PTPRD: variants seen among roughly 807,000 people sequenced by gnomAD.
PTPRD encodes receptor-type tyrosine-protein phosphatase delta.
Under a neutral mutation model 214.5 loss-of-function variants are expected in PTPRD, and 34 were observed. The ratio of observed to expected loss-of-function variants is 0.16; its 90% CI spans 0.12 to 0.21. The LOEUF is 0.21. PTPRD is among the 10% of genes least tolerant of loss of function. The probability of loss-of-function intolerance (pLI) is 1.00; values close to 1 mark genes in which losing one functional copy is unlikely to be tolerated. For missense variants in PTPRD, 2,545 were observed against 2,398.7 expected (o/e 1.06, Z -1.27); for synonymous variants, 1,128 against 845.7 (o/e 1.33, Z -5.79).
chr9:8,658,749 C>T (rs1414399552), intron 12 of PTPRD, among the ~76,000 whole-genome samples: 1 of 150,692 alleles, frequency 6.6e-6, no homozygotes, highest in African/African-American at 2.4e-5. Flanking sequence ...GATGGAAACA[C>T]TACCCTAGCT....
At chr9:8,531,338 C>T (rs2075632602) in intron 14 of PTPRD, among the ~76,000 whole-genome samples, 1 of 151,930 alleles carries the variant, frequency 6.6e-6, no homozygotes, top group Non-Finnish European at 1.5e-5. Flanking sequence ...AAGGTTTTGC[C>T]AATATATTTA....
intron 5 of PTPRD, among the ~76,000 whole-genome samples, chr9:9,824,071 A>C (rs931710204): frequency 4.6e-5 from 7 of 152,032 alleles, no homozygotes; most frequent in Admixed American, 3.3e-4. Flanking sequence ...AATTATTAAA[A>C]ATATTATATA....
At chr9:8,515,377 A>G (rs558191639) in intron 21 of PTPRD, among the ~76,000 whole-genome samples, 35 of 152,276 alleles carry the variant, frequency 2.3e-4, no homozygotes, top group African/African-American at 7.9e-4. Flanking sequence ...AATGTTTTAC[A>G]TATTAAGTTA....
chr9:8,850,202 A>T (rs1322440781), intron 11 of PTPRD, among the ~76,000 whole-genome samples: 1 of 152,156 alleles, frequency 6.6e-6, no homozygotes, highest in Non-Finnish European at 1.5e-5. Flanking sequence ...TGTAACAAGC[A>T]GATAGAAATG....
intron 11 of PTPRD, among the ~76,000 whole-genome samples, chr9:8,804,814 C>T (rs1008567733): frequency 2.6e-5 from 4 of 152,110 alleles, no homozygotes; most frequent in African/African-American, 9.7e-5. Context: ...AGGACTTTAG[C>T]TCAAAGTCCA....
At chr9:9,822,268 G>C (rs1565523952) in intron 5 of PTPRD, among the ~76,000 whole-genome samples, 1 of 151,230 alleles carries the variant, frequency 6.6e-6, no homozygotes, top group Middle Eastern at 3.5e-3. Context: ...AAAGTTAGCT[G>C]GGCATGGTGG....
At chr9:8,716,939 G>A (rs1415364663) in intron 12 of PTPRD, among the ~76,000 whole-genome samples, 1 of 152,138 alleles carries the variant, frequency 6.6e-6, no homozygotes, top group Non-Finnish European at 1.5e-5. Flanking sequence ...GCTAAGGGGA[G>A]CAAATAGCTT....
chr9:9,947,540 TA>T (rs1470386965), intron 4 of PTPRD, among the ~76,000 whole-genome samples: 555 of 30,852 alleles, frequency 0.018, 15 homozygotes, highest in East Asian at 0.042. Context: ...ATTTTATATA[TA>T]ATATATATAT....
rs193062961 is a variant in PTPRD, at chr9:8,725,951, C to A, written c.64+7829G>T. On this transcript the variant is annotated intron_variant, in intron 12 of 45. Coordinates refer to ENST00000381196, the MANE Select transcript of PTPRD (RefSeq NM_002839.4). Reference sequence around the variant, plus strand: ...AAGATAGATTACAGGCTGGTGTAGGCCCACACTGTTTAAAATTTTTATATT... The same window carrying A: ...AAGATAGATTACAGGCTGGTGTAGGACCACACTGTTTAAAATTTTTATATT... Among the ~76,000 whole-genome samples, 236 of 151,888 alleles carry A rather than the reference C, an allele frequency of 1.6e-3. 1 individual carries two copies. Among genetic ancestry groups the A allele is most frequent in the Non-Finnish European group, 2.2e-3 (150 of 67,952 alleles).
At chr9:8,772,048 A>G (rs2095249410) in intron 11 of PTPRD, among the ~76,000 whole-genome samples, 1 of 152,096 alleles carries the variant, frequency 6.6e-6, no homozygotes, top group Admixed American at 6.6e-5. Flanking sequence ...TATGCCTGTA[A>G]AAACTATCTC....
intron 3 of PTPRD, among the ~76,000 whole-genome samples, chr9:10,214,025 G>C (rs1320847614): frequency 6.6e-6 from 1 of 151,884 alleles, no homozygotes; most frequent in Non-Finnish European, 1.5e-5. Flanking sequence ...AGCTGTAAAG[G>C]CATATCTTCA....
At chr9:9,566,292 T>C (rs2084504946) in intron 8 of PTPRD, among the ~76,000 whole-genome samples, 1 of 152,040 alleles carries the variant, frequency 6.6e-6, no homozygotes, top group Non-Finnish European at 1.5e-5. Flanking sequence ...TGTCAAAAAC[T>C]GTGATATATA....
At chr9:9,720,975 C>A (rs946716997) in intron 7 of PTPRD, among the ~76,000 whole-genome samples, 1 of 151,790 alleles carries the variant, frequency 6.6e-6, no homozygotes, top group East Asian at 1.9e-4. Context: ...ACACTGGAGA[C>A]TATTTGAGGG....
chr9:9,168,108 T>C (rs1429499029), intron 10 of PTPRD, among the ~76,000 whole-genome samples: 2 of 152,226 alleles, frequency 1.3e-5, no homozygotes, highest in Non-Finnish European at 2.9e-5. Context: ...TAAAGTTTTA[T>C]TGGAACACAG....
intron 5 of PTPRD, among the ~76,000 whole-genome samples, chr9:9,932,264 C>T (rs182192873): frequency 0.078 from 11,527 of 147,226 alleles, 1,580 homozygotes; most frequent in African/African-American, 0.29. Flanking sequence ...AGGCTTCAGA[C>T]GATCAAATTA....
intron 3 of PTPRD, among the ~76,000 whole-genome samples, chr9:10,082,297 T>C (rs1325933696): frequency 2.0e-5 from 3 of 152,136 alleles, no homozygotes; most frequent in African/African-American, 7.2e-5. Context: ...TTCACACTTA[T>C]CAAATGAATT....
At chr9:8,879,920 C>G (rs1406706244) in intron 11 of PTPRD, among the ~76,000 whole-genome samples, 1 of 152,180 alleles carries the variant, frequency 6.6e-6, no homozygotes, top group Non-Finnish European at 1.5e-5. Context: ...TTCCAGTTCA[C>G]AGAAAAGGAG....
At chr9:9,307,251 T>G (rs1049616778) in intron 9 of PTPRD, among the ~76,000 whole-genome samples, 2 of 152,294 alleles carry the variant, frequency 1.3e-5, no homozygotes, top group Non-Finnish European at 2.9e-5. Flanking sequence ...ATCAAACATT[T>G]CCACTTGAGT....
intron 10 of PTPRD, among the ~76,000 whole-genome samples, chr9:9,124,287 G>T (rs2099820794): frequency 6.6e-6 from 1 of 152,084 alleles, no homozygotes; most frequent in South Asian, 2.1e-4. Flanking sequence ...CTCATTAAGT[G>T]TTACTTACAT....
Sources: gnomAD v4.1 joint callset for allele counts (sites outside exome capture counted in the v4.1 genomes callset) on GRCh38, gnomAD v4.1.1 for gene constraint, MANE v1.5 for transcripts, NCBI Gene and HGNC (gene_info 2026-07-23, HGNC 2026-07-21) for gene names.